CAMK1D: variants seen among roughly 807,000 people sequenced by gnomAD.
CAMK1D encodes calcium/calmodulin dependent protein kinase ID.
A neutral mutation model predicts 47.7 loss-of-function variants in CAMK1D; 9 were observed. That is an observed-to-expected ratio of 0.19 (90% CI 0.11 to 0.33). The LOEUF (loss-of-function observed/expected upper bound fraction) is 0.33. CAMK1D is among the 10% of genes least tolerant of loss of function. The probability of loss-of-function intolerance (pLI) is 1.00; values close to 1 mark genes in which losing one functional copy is unlikely to be tolerated. For synonymous variants in CAMK1D, 184 were observed against 184.9 expected, an observed-to-expected ratio of 0.99 and a Z score of 0.04; for missense variants, 291 against 488.7, an observed-to-expected ratio of 0.60 and a Z score of 3.81.
At chr10:12,736,578 C>G (rs1206856469) in intron 3 of CAMK1D, among the ~76,000 whole-genome samples, 3 of 152,110 alleles carry the variant, frequency 2.0e-5, no homozygotes, top group Admixed American at 2.0e-4. Context: ...CAATACAAAA[C>G]CCAACAGAGA....
intron 3 of CAMK1D, among the ~76,000 whole-genome samples, chr10:12,705,861 C>T (rs1833711252): frequency 6.6e-6 from 1 of 152,240 alleles, no homozygotes; most frequent in African/African-American, 2.4e-5. Flanking sequence ...GCTACCTTAA[C>T]TAAAAGTGAT....
chr10:12,604,536 G>A (rs966419426), intron 2 of CAMK1D, among the ~76,000 whole-genome samples: 5 of 152,172 alleles, frequency 3.3e-5, no homozygotes, highest in African/African-American at 1.2e-4. Context: ...GTACTTACTT[G>A]ATGCTATTCA....
chr10:12,365,745 T>G (rs956438877), intron 1 of CAMK1D, among the ~76,000 whole-genome samples: 3 of 152,074 alleles, frequency 2.0e-5, no homozygotes, highest in Non-Finnish European at 4.4e-5. Flanking sequence ...GCCTAAAGAT[T>G]ATAGCTTTAA....
At chr10:12,684,048 G>A (rs1168486282) in intron 3 of CAMK1D, among the ~76,000 whole-genome samples, 5 of 152,076 alleles carry the variant, frequency 3.3e-5, no homozygotes, top group Non-Finnish European at 7.4e-5. Flanking sequence ...CAAAAATGAA[G>A]GACAGGGTAT....
intron 6 of CAMK1D, among the ~76,000 whole-genome samples, chr10:12,803,915 A>G (rs1207459354): frequency 6.6e-6 from 1 of 152,118 alleles, no homozygotes; most frequent in East Asian, 1.9e-4. Context: ...TGATTTGAGG[A>G]CTCAGGCTGG....
At chr10:12,590,705 C>G (rs541072857) in intron 2 of CAMK1D, among the ~76,000 whole-genome samples, 1 of 152,088 alleles carries the variant, frequency 6.6e-6, no homozygotes, top group African/African-American at 2.4e-5. Flanking sequence ...GTAAAGCTGC[C>G]GCCTGTAGAA....
intron 1 of CAMK1D, among the ~76,000 whole-genome samples, chr10:12,492,027 T>C (rs1333090157): frequency 6.6e-6 from 1 of 152,202 alleles, no homozygotes; most frequent in Non-Finnish European, 1.5e-5. Flanking sequence ...TCAAGTGATC[T>C]GCCCACCTCA....
chr10:12,759,521 G>A (rs1040083642), intron 3 of CAMK1D, among the ~76,000 whole-genome samples: 1 of 152,170 alleles, frequency 6.6e-6, no homozygotes, highest in Non-Finnish European at 1.5e-5. Flanking sequence ...GTGTCAGGAG[G>A]AGTATCTTGG....
At chr10:12,527,226 G>A (rs867692972) in intron 1 of CAMK1D, among the ~76,000 whole-genome samples, 6 of 152,092 alleles carry the variant, frequency 3.9e-5, no homozygotes, top group South Asian at 2.1e-4. Flanking sequence ...AAAATTTCCT[G>A]GGCCCTTCCA....
chr10:12,731,621 A>T (rs112592345), intron 3 of CAMK1D, among the ~76,000 whole-genome samples: 3,462 of 152,246 alleles, frequency 0.023, 80 homozygotes, highest in African/African-American at 0.062. Flanking sequence ...AAGAAGAGGG[A>T]CGGTGTATGG....
chr10:12,812,503 C>T (rs1408822227), intron 6 of CAMK1D, among the ~76,000 whole-genome samples: 1 of 152,164 alleles, frequency 6.6e-6, no homozygotes, highest in Non-Finnish European at 1.5e-5. Flanking sequence ...GTAATCCCAG[C>T]TACTTGGGAG....
intron 2 of CAMK1D, among the ~76,000 whole-genome samples, chr10:12,649,350 G>A (rs1588732503): frequency 1.3e-5 from 2 of 152,228 alleles, no homozygotes; most frequent in African/African-American, 4.8e-5. Flanking sequence ...GAAAGAAAGG[G>A]GAGGTCGGCT....
At chr10:12,674,446 CAG>C (rs1480936223) in intron 3 of CAMK1D, among the ~76,000 whole-genome samples, 2 of 152,086 alleles carry the variant, frequency 1.3e-5, no homozygotes, top group Non-Finnish European at 2.9e-5. Flanking sequence ...TGAGATACAA[CAG>C]GGGATGCTCA....
rs1199948222 is a variant in CAMK1D at position 12,387,447 on chromosome 10, A to ATATATTT, written c.92+37542_92+37543insTTTATAT. On this transcript the variant is annotated intron_variant, in intron 1 of 10. Transcript: ENST00000619168. ...ATATTTTATATATTATATATATTTTATATATATATATATATATAGACATTG... is the reference window on the plus strand; with the variant it reads ...ATATTTTATATATTATATATATTTTATATATTTTATATATATATATATATAGACATTG... 5.7e-4 allele frequency among the ~76,000 whole-genome samples: 48 copies of ATATATTT among 83,944 alleles called. 2 individuals carry two copies. The highest frequency in any genetic ancestry group is 3.8e-3 in the African/African-American group (48 of 12,568). 55.1% of individuals were successfully genotyped at this position (83,944 alleles called of 152,430 possible). A position where few individuals can be genotyped will look rare whatever the true frequency, so the allele number is the denominator to read the frequency against.
Position 12,583,080 on chromosome 10 carries a change from C to G in CAMK1D, c.224+29724C>G, listed in dbSNP as rs564954987. Among the ~76,000 whole-genome samples, 15 of 151,966 alleles carry G rather than the reference C, an allele frequency of 9.9e-5. No homozygotes were observed. In the South Asian group the frequency reaches 3.1e-3, roughly 32 times the overall value. On this transcript the variant is annotated intron_variant, in intron 2 of 10. Coordinates refer to ENST00000619168, the MANE Select transcript of CAMK1D (RefSeq NM_153498.4). ...TGCAAGACTCCCATCTGTGAAAGAA[C>G]GAGATTCTGTCTCAAAAACAAAAAC...
At chr10:12,736,187 G>A (rs1452918930) in intron 3 of CAMK1D, among the ~76,000 whole-genome samples, 1 of 152,218 alleles carries the variant, frequency 6.6e-6, no homozygotes, top group African/African-American at 2.4e-5. Flanking sequence ...TCCCCAGTGA[G>A]GAAGACCATG....
At chr10:12,518,983 A>G (rs2132182478) in intron 1 of CAMK1D, among the ~76,000 whole-genome samples, 1 of 122,614 alleles carries the variant, frequency 8.2e-6, no homozygotes, top group South Asian at 3.3e-4. Flanking sequence ...ATCATGGCCC[A>G]TCCCCAATGA....
intron 3 of CAMK1D, 115 bp from the exon 4 acceptor site, chr10:12,760,833 A>G (rs1210896583): frequency 8.5e-7 from 1 of 1,171,720 alleles, no homozygotes; most frequent in African/African-American, 1.5e-5. Context: ...GCAACATCTC[A>G]ATCTGAAGAT....
intron 3 of CAMK1D, among the ~76,000 whole-genome samples, chr10:12,720,304 G>A (rs723211): frequency 0.52 from 78,502 of 151,996 alleles, 20,550 homozygotes; most frequent in Middle Eastern, 0.64. Flanking sequence ...TGGGGTATCA[G>A]TGAGAGAAGA....
Sources: allele counts gnomAD v4.1 joint callset (sites outside exome capture counted in the v4.1 genomes callset), GRCh38; gene constraint gnomAD v4.1.1; transcripts MANE v1.5; gene names NCBI Gene and HGNC (gene_info 2026-07-23, HGNC 2026-07-21).